Variants in TFDP2 observed in about 807,000 individuals in gnomAD.
TFDP2 encodes the protein transcription factor Dp-2, also known as transcription factor Dp-2 (E2F dimerization partner 2).
TFDP2 carries 17 observed loss-of-function variants against 59.3 expected under a neutral mutation model. That is an observed-to-expected ratio of 0.29 (90% CI 0.20 to 0.43). The LOEUF (loss-of-function observed/expected upper bound fraction) is 0.43, where lower values mean the gene tolerates loss of function less well. Ranked by LOEUF, TFDP2 falls within the 20% of genes least tolerant of loss-of-function variation. The pLI is 1.00. For missense variants in TFDP2, 391 were observed against 528.8 expected (o/e 0.74, Z 2.56); for synonymous variants, 180 against 194.7 (o/e 0.92, Z 0.63).
chr3:142,125,456 T>A (rs1050227744), intron 1 of TFDP2, among the ~76,000 whole-genome samples: 1 of 152,178 alleles, frequency 6.6e-6, no homozygotes, highest in African/African-American at 2.4e-5. Flanking sequence ...CATCCTTCTA[T>A]GAGCTTTTTC....
At chr3:141,989,797 TATA>T (rs1437468239) in intron 6 of TFDP2, among the ~76,000 whole-genome samples, 1 of 152,112 alleles carries the variant, frequency 6.6e-6, no homozygotes, top group African/African-American at 2.4e-5. Context: ...CACTTTTCAT[TATA>T]ATAACACTAG....
Position 142,149,328 on chromosome 3 carries a change from G to A in TFDP2, c.-238C>T. On this transcript the variant is annotated 5_prime_UTR_variant, in exon 1 of 13. Transcript: ENST00000489671. ...ACTCACACCCGGGGAGACGCGGCCT[G>A]CCCGGTCAAGGCCCAGGAGTTTGAG... The A allele has an allele frequency of 2.5e-6, 1 of 394,002 alleles. No individual in the cohort carries two copies. Among genetic ancestry groups the A allele is most frequent in the South Asian group, 1.4e-4 (1 of 7,250 alleles). 24.4% of individuals were successfully genotyped at this position (394,002 alleles called of 1,614,324 possible).
intron 3 of TFDP2, among the ~76,000 whole-genome samples, chr3:142,069,736 T>A (rs2060181918): frequency 6.6e-6 from 1 of 151,694 alleles, no homozygotes; most frequent in African/African-American, 2.4e-5. Flanking sequence ...GCCTCCTGAG[T>A]AGCTGGGATT....
At chr3:142,074,313 G>A (rs1036389646) in intron 3 of TFDP2, among the ~76,000 whole-genome samples, 1 of 152,064 alleles carries the variant, frequency 6.6e-6, no homozygotes, top group Non-Finnish European at 1.5e-5. Flanking sequence ...GGAGGCTGAG[G>A]CAGGAGAATC....
At chr3:142,016,136 C>T (rs1004527249) in intron 3 of TFDP2, among the ~76,000 whole-genome samples, 7 of 151,458 alleles carry the variant, frequency 4.6e-5, no homozygotes, top group South Asian at 4.2e-4. Flanking sequence ...CTCAGCCTCC[C>T]GAGTAGCTGG....
chr3:142,066,743 G>C (rs1576889405), intron 3 of TFDP2, among the ~76,000 whole-genome samples: 1 of 152,042 alleles, frequency 6.6e-6, no homozygotes, highest in Middle Eastern at 3.4e-3. Context: ...AGACTATAAA[G>C]GACTAAAAAT....
intron 1 of TFDP2, among the ~76,000 whole-genome samples, chr3:142,137,459 T>C (rs1490230892): frequency 2.0e-5 from 3 of 151,708 alleles, no homozygotes; most frequent in South Asian, 2.1e-4. Flanking sequence ...TGTCTTGTGC[T>C]GGTTTTCAAA....
chr3:142,086,570 G>A (rs1448294342), intron 3 of TFDP2, among the ~76,000 whole-genome samples: 1 of 152,210 alleles, frequency 6.6e-6, no homozygotes, highest in Non-Finnish European at 1.5e-5. Flanking sequence ...TCAACAGCCA[G>A]ATGAAGAAAT....
At chr3:141,978,442 C>T in intron 7 of TFDP2, 78 bp downstream of exon 7, 1 of 1,408,832 alleles carries the variant, frequency 7.1e-7, no homozygotes, top group African/African-American at 1.5e-5. Context: ...AGTCGTGATT[C>T]CTCAAATCTA....
At chr3:142,073,255 T>C (rs1353447163) in intron 3 of TFDP2, among the ~76,000 whole-genome samples, 13 of 152,106 alleles carry the variant, frequency 8.5e-5, no homozygotes, top group Admixed American at 8.5e-4. Flanking sequence ...AATGTTTTTG[T>C]AGAGGCAGGG....
At chr3:141,991,803 G>A (rs1942799128) in intron 6 of TFDP2, among the ~76,000 whole-genome samples, 1 of 152,168 alleles carries the variant, frequency 6.6e-6, no homozygotes, top group South Asian at 2.1e-4. Flanking sequence ...AGCAATTTGG[G>A]AGGCCAAGGC....
At chr3:142,018,930 T>TTA (rs869251859) in intron 3 of TFDP2, among the ~76,000 whole-genome samples, 2 of 4,114 alleles carry the variant, frequency 4.9e-4, no homozygotes, top group African/African-American at 5.7e-3. Context: ...TTTTGGTGAG[T>TTA]TTTTTTTTTT....
intron 11 of TFDP2, among the ~76,000 whole-genome samples, chr3:141,955,976 T>C (rs1315126490): frequency 6.6e-6 from 1 of 152,072 alleles, no homozygotes; most frequent in Non-Finnish European, 1.5e-5. Context: ...CCTGGCTAAT[T>C]TTTGTATTTT....
chr3:142,110,691 C>T (rs1049574283), intron 1 of TFDP2, among the ~76,000 whole-genome samples: 5 of 151,610 alleles, frequency 3.3e-5, no homozygotes, highest in East Asian at 3.9e-4. Flanking sequence ...GGGGCTCACA[C>T]CTGTAATCCC....
intron 2 of TFDP2, among the ~76,000 whole-genome samples, chr3:142,100,269 CAACT>C (rs1367383107): frequency 7.9e-5 from 12 of 152,362 alleles, no homozygotes; most frequent in African/African-American, 2.9e-4. Context: ...CTCCTGGTCA[CAACT>C]AACTAAAGCA....
chr3:142,077,385 C>A (rs567703720), intron 3 of TFDP2, among the ~76,000 whole-genome samples: 1 of 152,172 alleles, frequency 6.6e-6, no homozygotes, highest in Non-Finnish European at 1.5e-5. Context: ...CCCATCCCAA[C>A]ATCAGGCTGC....
chr3:142,071,937 G>C lies in TFDP2; in HGVS notation c.82+21124C>G, dbSNP rs1416967295. Among the ~76,000 whole-genome samples, 4 of 152,146 alleles carry C rather than the reference G, an allele frequency of 2.6e-5. No homozygotes were observed. The East Asian group carries it at 7.7e-4, about 29-fold the overall frequency. ...ATACAAAATCTTAAGACAAGTATTTGGGCCACAGGTATAGATTTCGGAATC... is the reference window on the plus strand; with the variant it reads ...ATACAAAATCTTAAGACAAGTATTTCGGCCACAGGTATAGATTTCGGAATC... On this transcript the variant is annotated intron_variant, in intron 3 of 12. Coordinates refer to ENST00000489671, the MANE Select transcript of TFDP2 (RefSeq NM_001178139.2).
At chr3:142,125,317 T>C (rs572075471) in intron 1 of TFDP2, among the ~76,000 whole-genome samples, 1 of 152,340 alleles carries the variant, frequency 6.6e-6, no homozygotes, top group South Asian at 2.1e-4. Flanking sequence ...AAAAGACTGA[T>C]ACCAATACAT....
intron 3 of TFDP2, among the ~76,000 whole-genome samples, chr3:142,033,050 C>T (rs1307958120): frequency 6.6e-6 from 1 of 152,054 alleles, no homozygotes; most frequent in Non-Finnish European, 1.5e-5. Flanking sequence ...CAAAAATTAG[C>T]TGGGCATGGT....
Sources: allele counts gnomAD v4.1 joint callset (sites outside exome capture counted in the v4.1 genomes callset), GRCh38; gene constraint gnomAD v4.1.1; transcripts MANE v1.5; gene names NCBI Gene and HGNC (gene_info 2026-07-23, HGNC 2026-07-21).